RBM27: variants seen among roughly 807,000 people sequenced by gnomAD.
The protein encoded by RBM27 is RNA-binding protein 27.
A neutral mutation model predicts 135.3 loss-of-function variants in RBM27; 22 were observed. The ratio of observed to expected loss-of-function variants is 0.16; its 90% confidence interval spans 0.12 to 0.23. The LOEUF (loss-of-function observed/expected upper bound fraction) is 0.23, where lower values mean the gene tolerates loss of function less well. Among genes scored for constraint, RBM27 ranks in the 10% least tolerant of loss-of-function variants. The pLI is 1.00. For missense variants in RBM27, 1,009 were observed against 1,281.0 expected (o/e 0.79, Z 3.24); for synonymous variants, 481 against 442.4 (o/e 1.09, Z -1.10).
At chr5:146,282,522 A>G (rs1759406797) in intron 19 of RBM27, among the ~76,000 whole-genome samples, 1 of 152,246 alleles carries the variant, frequency 6.6e-6, no homozygotes, top group Non-Finnish European at 1.5e-5. Flanking sequence ...TGTACTGAGC[A>G]TGTACATTTT....
chr5:146,213,362 G>A (rs1756052160), intron 1 of RBM27, among the ~76,000 whole-genome samples: 1 of 152,136 alleles, frequency 6.6e-6, no homozygotes, highest in African/African-American at 2.4e-5. Flanking sequence ...GCCTCCCAAA[G>A]TGTTGGGATT....
chr5:146,236,930 C>CT (rs36073661), intron 7 of RBM27, among the ~76,000 whole-genome samples: 850 of 47,144 alleles, frequency 0.018, 37 homozygotes, highest in African/African-American at 0.042. Context: ...TATGATGGTC[C>CT]TTTTTTTTTT....
chr5:146,221,444 T>A (rs899700344), intron 2 of RBM27, among the ~76,000 whole-genome samples: 2 of 152,204 alleles, frequency 1.3e-5, no homozygotes, highest in African/African-American at 4.8e-5. Flanking sequence ...AAATTGATTT[T>A]TTTTTTGAGA....
At chr5:146,243,352 T>C (rs1757489873) in intron 8 of RBM27, among the ~76,000 whole-genome samples, 1 of 152,226 alleles carries the variant, frequency 6.6e-6, no homozygotes, top group Non-Finnish European at 1.5e-5. Context: ...TTCACATTGT[T>C]CAAGTTTATT....
intron 13 of RBM27, among the ~76,000 whole-genome samples, chr5:146,262,909 A>G (rs1448178444): frequency 6.9e-6 from 1 of 144,542 alleles, no homozygotes; most frequent in Non-Finnish European, 1.5e-5. Flanking sequence ...TTTTTTTGAG[A>G]CAGTCCTGCT....
At chr5:146,225,330 A>G (rs577446731) in intron 3 of RBM27, among the ~76,000 whole-genome samples, 2 of 152,224 alleles carry the variant, frequency 1.3e-5, no homozygotes, top group South Asian at 4.1e-4. Flanking sequence ...AGGATTAGGT[A>G]TCATTTAGTT....
At chr5:146,267,412 G>A (rs1197690402) in intron 14 of RBM27, among the ~76,000 whole-genome samples, 1 of 152,120 alleles carries the variant, frequency 6.6e-6, no homozygotes, top group Admixed American at 6.6e-5. Flanking sequence ...ACCTTTGTCT[G>A]ATGTTGGTGT....
chr5:146,204,471 A>C (rs1383383305), intron 1 of RBM27, among the ~76,000 whole-genome samples: 2 of 152,192 alleles, frequency 1.3e-5, no homozygotes, highest in Admixed American at 6.5e-5. Context: ...AAGGATATTA[A>C]GGGATTTTAA....
chr5:146,229,102 TTA>T, intron 4 of RBM27, 65 bp downstream of exon 4: 1 of 1,242,854 alleles, frequency 8.0e-7, no homozygotes, highest in Non-Finnish European at 1.2e-6. Flanking sequence ...TGCAAGGACA[TTA>T]AAGGGATTTT....
intron 19 of RBM27, among the ~76,000 whole-genome samples, chr5:146,277,949 G>A (rs1759164144): frequency 6.6e-6 from 1 of 152,118 alleles, no homozygotes; most frequent in Admixed American, 6.6e-5. Context: ...CAAAATACCT[G>A]CTAGAGTGAT....
intron 8 of RBM27, among the ~76,000 whole-genome samples, chr5:146,249,019 G>T (rs1244471445): frequency 6.6e-6 from 1 of 151,884 alleles, no homozygotes; most frequent in Non-Finnish European, 1.5e-5. Flanking sequence ...ATCTCACCCT[G>T]TCACCTAAGC....
At chr5:146,212,975 TTTTA>T (rs1756031320) in intron 1 of RBM27, among the ~76,000 whole-genome samples, 1 of 152,204 alleles carries the variant, frequency 6.6e-6, no homozygotes, top group African/African-American at 2.4e-5. Context: ...TTAATGCTGT[TTTTA>T]TTTAATAAAT....
intron 3 of RBM27, among the ~76,000 whole-genome samples, chr5:146,224,282 C>T (rs1207666752): frequency 6.6e-6 from 1 of 152,126 alleles, no homozygotes; most frequent in Non-Finnish European, 1.5e-5. Context: ...GTGCCTGGCA[C>T]ATAAATGTTG....
intron 2 of RBM27, among the ~76,000 whole-genome samples, chr5:146,222,017 A>T (rs2126719334): frequency 6.6e-6 from 1 of 152,294 alleles, no homozygotes; most frequent in South Asian, 2.1e-4. Flanking sequence ...TTTGCTTTTT[A>T]AAAATTGAGC....
chr5:146,219,085 G>A lies in RBM27; in HGVS notation c.160G>A (p.Asp54Asn). The A allele has an allele frequency of 6.2e-7, 1 of 1,606,966 alleles. No individual in the cohort carries two copies. Among genetic ancestry groups the A allele is most frequent in the African/African-American group, 1.3e-5 (1 of 74,696 alleles). ...AAAAGCCTTTTGTGCTGATCAACTT[G>A]ATGTCTTTTTACAAAAAGGTAATTA... ...ELKAFCADQL[D>N]VFLQKETSGF... Residue 54 changes from aspartate (D) to asparagine (N), a missense_variant, in exon 2 of 21, where the codon GAT becomes AAT. Asp to Asn is a conservative substitution (Grantham distance 23, BLOSUM62 1). Coordinates refer to ENST00000265271, the MANE Select transcript of RBM27 (RefSeq NM_018989.2).
chr5:146,286,167 T>C lies in RBM27; in HGVS notation c.*137T>C. The C allele has an allele frequency of 1.6e-6, 1 of 642,392 alleles. No individual in the cohort carries two copies. The highest frequency in any genetic ancestry group is 2.6e-6 in the Non-Finnish European group (1 of 383,832). The allele number at this position is 642,392 out of a possible 1,614,324, so 39.8% of individuals were successfully genotyped here. Reference sequence around the variant, plus strand: ...ACACAGTAGGTTCAAGAACAGCAAGTTTGCTATTTAAACACATCTCATAAC... The same window carrying C: ...ACACAGTAGGTTCAAGAACAGCAAGCTTGCTATTTAAACACATCTCATAAC... On this transcript the variant is annotated 3_prime_UTR_variant, in exon 21 of 21. Coordinates refer to ENST00000265271, the MANE Select transcript of RBM27 (RefSeq NM_018989.2).
At position 146,287,727 on chromosome 5, in the gene RBM27, A is replaced by G. The variant is rs1023960428; in HGVS notation, c.*1697A>G. Reference sequence around the variant, plus strand: ...ATGTGTCAAACCAGGGTCATTTTTAAGTTCATATAATTTTCTTTCATAATA... The same window carrying G: ...ATGTGTCAAACCAGGGTCATTTTTAGGTTCATATAATTTTCTTTCATAATA... On this transcript the variant is annotated 3_prime_UTR_variant, in exon 21 of 21. Coordinates refer to ENST00000265271, the MANE Select transcript of RBM27 (RefSeq NM_018989.2). The G allele has an allele frequency of 1.3e-5, 2 of 152,146 alleles. No homozygotes were observed. Among genetic ancestry groups the G allele is most frequent in the African/African-American group, 4.8e-5 (2 of 41,446 alleles). 9.4% of individuals were successfully genotyped at this position (152,146 alleles called of 1,614,324 possible).
intron 4 of RBM27, 113 bp downstream of exon 4, chr5:146,229,150 TTA>T (rs1756815004): frequency 6.9e-6 from 5 of 727,138 alleles, no homozygotes; most frequent in Non-Finnish European, 1.2e-5. Flanking sequence ...TGTAAACTCA[TTA>T]AAGAAAGATG....
In RBM27 at chr5:146,276,189, C is replaced by T. The variant is rs183905926; in HGVS notation, c.2988+4515C>T. 1.9e-4 allele frequency among the ~76,000 whole-genome samples: 28 copies of T among 151,294 alleles called. 1 individual carries two copies. In the East Asian group the frequency reaches 5.0e-3, roughly 27 times the overall value. ...TCCCACCTCTCCAGTTTTTTTTTGA[C>T]CTTGTCGTGTTTTCTTTTATTTTTT... On this transcript the variant is annotated intron_variant, in intron 19 of 20. Coordinates refer to ENST00000265271, the MANE Select transcript of RBM27 (RefSeq NM_018989.2).
Sources: allele counts gnomAD v4.1 joint callset (sites outside exome capture counted in the v4.1 genomes callset), GRCh38; gene constraint gnomAD v4.1.1; transcripts MANE v1.5; gene names NCBI Gene and HGNC (gene_info 2026-07-23, HGNC 2026-07-21).